Variants in CCSER1 observed in about 807,000 individuals in gnomAD.
CCSER1 encodes serine-rich coiled-coil domain-containing protein 1.
Under a neutral mutation model 82.0 loss-of-function variants are expected in CCSER1, and 41 were observed. That is an observed-to-expected ratio of 0.50 (90% CI 0.39 to 0.65). CCSER1 has a LOEUF of 0.65. Ranked by LOEUF, CCSER1 falls within the 30% of genes least tolerant of loss-of-function variation. CCSER1 has a pLI of 0.00. For synonymous variants in CCSER1, 414 were observed against 383.9 expected (o/e 1.08, Z -0.92); for missense variants, 1,119 against 1,064.2 (o/e 1.05, Z -0.72).
At chr4:90,631,699 A>C (rs11937066) in intron 6 of CCSER1, among the ~76,000 whole-genome samples, 6,558 of 152,288 alleles carry the variant, frequency 0.043, 328 homozygotes, top group African/African-American at 0.12. Context: ...AGCAGGCTAA[A>C]TAAATATACA....
At chr4:91,109,228 G>GC (rs1561555726) in intron 10 of CCSER1, among the ~76,000 whole-genome samples, 2 of 152,118 alleles carry the variant, frequency 1.3e-5, no homozygotes, top group Admixed American at 1.3e-4. Context: ...AGACAGACTA[G>GC]CAAGGGTCTT....
chr4:90,792,097 T>C (rs941408182), intron 7 of CCSER1, among the ~76,000 whole-genome samples: 4 of 152,188 alleles, frequency 2.6e-5, no homozygotes, highest in African/African-American at 9.7e-5. Context: ...GCAGTTCAGT[T>C]TTTTGACTTT....
intron 8 of CCSER1, among the ~76,000 whole-genome samples, chr4:90,825,828 C>G (rs1350740499): frequency 6.7e-6 from 1 of 148,326 alleles, no homozygotes; most frequent in Non-Finnish European, 1.5e-5. Context: ...TTCCCAGGTT[C>G]AAGCGATTCT....
rs557610933 is a variant in CCSER1 at position 91,089,271 on chromosome 4, A to G, written c.2217+3277A>G. ...ATGAGAAGCTTCAGAGTGTCCTTCCATACAATGTCTGGAATCTGTGGATAA... is the reference window on the plus strand; with the variant it reads ...ATGAGAAGCTTCAGAGTGTCCTTCCGTACAATGTCTGGAATCTGTGGATAA... On this transcript the variant is annotated intron_variant, in intron 10 of 10. Transcript: ENST00000509176. 1.1e-4 allele frequency among the ~76,000 whole-genome samples: 17 copies of G among 152,290 alleles called. 1 individual carries two copies. The South Asian group carries it at 3.5e-3, about 32-fold the overall frequency.
intron 1 of CCSER1, among the ~76,000 whole-genome samples, chr4:90,254,434 C>T (rs1380457203): frequency 6.6e-6 from 1 of 152,144 alleles, no homozygotes; most frequent in Non-Finnish European, 1.5e-5. Context: ...CCACCGTAAA[C>T]TTGCTGAAAC....
intron 10 of CCSER1, among the ~76,000 whole-genome samples, chr4:91,136,754 T>G (rs1176722198): frequency 6.6e-6 from 1 of 152,176 alleles, no homozygotes; most frequent in African/African-American, 2.4e-5. Context: ...TTATTCATTT[T>G]GAGTTATTTT....
intron 8 of CCSER1, among the ~76,000 whole-genome samples, chr4:90,896,336 T>C (rs1269643404): frequency 1.3e-5 from 2 of 151,960 alleles, no homozygotes; most frequent in African/African-American, 4.8e-5. Context: ...AGAAGTTGTA[T>C]AGATTTTAGT....
chr4:90,302,517 A>G (rs1447750521), intron 1 of CCSER1, among the ~76,000 whole-genome samples: 1 of 152,184 alleles, frequency 6.6e-6, no homozygotes, highest in African/African-American at 2.4e-5. Context: ...TATGGCAGTC[A>G]TGACCAAGTG....
intron 8 of CCSER1, among the ~76,000 whole-genome samples, chr4:90,839,521 A>C (rs73834567): frequency 0.065 from 9,871 of 152,200 alleles, 653 homozygotes; most frequent in African/African-American, 0.17. Context: ...ACCCATCAAG[A>C]CCCAACAGTG....
intron 10 of CCSER1, among the ~76,000 whole-genome samples, chr4:91,166,548 G>A (rs1240530085): frequency 2.0e-5 from 3 of 152,162 alleles, no homozygotes; most frequent in Non-Finnish European, 4.4e-5. Flanking sequence ...TTTAAGATGA[G>A]GCTTATAAAA....
At chr4:90,782,061 A>G in intron 7 of CCSER1, 3 of 651,756 alleles carry the variant, frequency 4.6e-6, no homozygotes, top group Non-Finnish European at 5.7e-6. Flanking sequence ...TTCCTGATAA[A>G]CACTTTCTTG....
intron 10 of CCSER1, among the ~76,000 whole-genome samples, chr4:91,279,639 T>C (rs575267227): frequency 2.4e-4 from 37 of 152,120 alleles, no homozygotes; most frequent in Middle Eastern, 3.2e-3. Flanking sequence ...CTCATTCATA[T>C]CCTGAATTGC....
At chr4:90,723,650 C>T (rs906476884) in intron 6 of CCSER1, among the ~76,000 whole-genome samples, 2 of 151,508 alleles carry the variant, frequency 1.3e-5, no homozygotes, top group African/African-American at 4.8e-5. Flanking sequence ...CACCCTAACA[C>T]AAAAAATGGC....
intron 1 of CCSER1, among the ~76,000 whole-genome samples, chr4:90,302,730 G>A (rs962685431): frequency 6.6e-6 from 1 of 152,142 alleles, no homozygotes; most frequent in African/African-American, 2.4e-5. Flanking sequence ...TTGAGCCCAG[G>A]AATTCGAGGA....
intron 7 of CCSER1, among the ~76,000 whole-genome samples, chr4:90,786,621 C>T (rs926441116): frequency 1.3e-5 from 2 of 152,088 alleles, no homozygotes; most frequent in African/African-American, 4.8e-5. Flanking sequence ...AGTGTATTTT[C>T]CATTTACCAC....
At chr4:91,395,452 G>A (rs1463071543) in intron 10 of CCSER1, among the ~76,000 whole-genome samples, 4 of 152,042 alleles carry the variant, frequency 2.6e-5, no homozygotes, top group Non-Finnish European at 5.9e-5. Flanking sequence ...ATGCAGAGCT[G>A]CCATCCCAGC....
chr4:90,697,576 C>T (rs749246061), intron 6 of CCSER1, among the ~76,000 whole-genome samples: 8 of 152,110 alleles, frequency 5.3e-5, no homozygotes, highest in African/African-American at 9.6e-5. Context: ...ACATTTCCCC[C>T]GCCCACAATC....
intron 10 of CCSER1, among the ~76,000 whole-genome samples, chr4:91,465,642 T>C (rs1381427033): frequency 1.3e-5 from 2 of 151,922 alleles, no homozygotes; most frequent in Admixed American, 6.6e-5. Flanking sequence ...AAGAATCAAA[T>C]AGATGCAATA....
rs55796025 is a variant in CCSER1, at chr4:91,065,242, A to T, written c.2173-20708A>T. 4.5e-3 allele frequency among the ~76,000 whole-genome samples: 681 copies of T among 152,262 alleles called. 6 individuals are homozygous for T. Among genetic ancestry groups the T allele is most frequent in the African/African-American group, 0.015 (641 of 41,562 alleles). The stretch of plus-strand genomic sequence containing the variant: ...GTGGCATTTGAGATCCTTCATCCTT[A>T]AAGATTTCAATGACAAAGGTGGTAC... On this transcript the variant is annotated intron_variant, in intron 9 of 10. Transcript: ENST00000509176.
Sources: gnomAD v4.1 joint callset for allele counts (sites outside exome capture counted in the v4.1 genomes callset) on GRCh38, gnomAD v4.1.1 for gene constraint, MANE v1.5 for transcripts, NCBI Gene and HGNC (gene_info 2026-07-23, HGNC 2026-07-21) for gene names.